Variants in EP300 observed in about 807,000 individuals in gnomAD.
The protein encoded by EP300 is histone acetyltransferase p300.
In EP300, 31 loss-of-function variants were observed where a neutral mutation model predicts 264.0. The ratio of observed to expected loss-of-function variants is 0.12; its 90% confidence interval spans 0.09 to 0.16. The LOEUF is 0.16. EP300 is among the 10% of genes least tolerant of loss of function. The pLI, the probability that EP300 is intolerant of heterozygous loss-of-function variation, is 1.00. For missense variants in EP300, 2,766 were observed against 3,052.9 expected (o/e 0.91, Z 2.21); for synonymous variants, 1,340 against 1,045.4 (o/e 1.28, Z -5.44).
At chr22:41,158,529 C>T (rs776594418) in intron 19 of EP300, 29 bp downstream of exon 19, 2 of 1,576,942 alleles carry the variant, frequency 1.3e-6, no homozygotes, top group Non-Finnish European at 1.7e-6. Context: ...GGACCATGGT[C>T]CATGTGTCCA....
At chr22:41,128,692 T>C (rs1019107726) in intron 4 of EP300, among the ~76,000 whole-genome samples, 2 of 151,944 alleles carry the variant, frequency 1.3e-5, no homozygotes, top group Admixed American at 1.3e-4. Flanking sequence ...TTTGTATTTT[T>C]AGTGGAGACG....
intron 1 of EP300, among the ~76,000 whole-genome samples, chr22:41,097,538 T>G (rs1336040810): frequency 6.6e-6 from 1 of 152,022 alleles, no homozygotes; most frequent in Non-Finnish European, 1.5e-5. Context: ...AGAAAAAGAG[T>G]AGGAAGAGTG....
intron 6 of EP300, among the ~76,000 whole-genome samples, chr22:41,135,288 A>G (rs1474329466): frequency 6.6e-6 from 1 of 152,092 alleles, no homozygotes; most frequent in Non-Finnish European, 1.5e-5. Flanking sequence ...CTGGAATTTC[A>G]TTACTGTAAT....
chr22:41,129,232 C>CT (rs1296354679), intron 4 of EP300, among the ~76,000 whole-genome samples: 1 of 152,002 alleles, frequency 6.6e-6, no homozygotes, highest in Non-Finnish European at 1.5e-5. Context: ...AGGATGGTCT[C>CT]TATCTCCTGA....
At chr22:41,124,462 A>G (rs745876908) in intron 2 of EP300, among the ~76,000 whole-genome samples, 1 of 152,156 alleles carries the variant, frequency 6.6e-6, no homozygotes, top group Non-Finnish European at 1.5e-5. Context: ...TTCCCAAACC[A>G]TCAGTTTTCT....
Position 41,117,502 on chromosome 22 carries a change from G to C in EP300, c.410G>C (p.Gly137Ala), listed in dbSNP as rs770510487. The C allele has an allele frequency of 4.3e-6, 7 of 1,613,526 alleles. No individual in the cohort carries two copies. In the African/African-American group the frequency reaches 5.3e-5, roughly 12 times the overall value. The stretch of plus-strand genomic sequence containing the variant: ...GCAGGCTTGACTTCTCCCAACATGG[G>C]GATGGGCACTAGTGGACCAAATCAG... ...TQAGLTSPNM[G>A]MGTSGPNQGP... The change falls in exon 2 of 31, where the codon GGG becomes GCG. Residue 137 changes from glycine to alanine, a missense_variant. Transcript: ENST00000263253.
chr22:41,166,482 C>T (rs2059135185), intron 22 of EP300, 117 bp from the exon 23 acceptor site: 1 of 780,460 alleles, frequency 1.3e-6, no homozygotes, highest in Non-Finnish European at 2.1e-6. Context: ...TTTATTAACT[C>T]TTCATTAGAA....
Position 41,151,873 on chromosome 22 carries a change from A to T in EP300, c.2858A>T (p.Asn953Ile), listed in dbSNP as rs1208697239. The T allele has an allele frequency of 6.2e-7, 1 of 1,614,036 alleles. No homozygotes were observed. Among genetic ancestry groups the T allele is most frequent in the Non-Finnish European group, 8.5e-7 (1 of 1,180,034 alleles). The change falls in exon 15 of 31, where the codon AAT (asparagine) becomes ATT (isoleucine). Residue 953 changes from asparagine (N) to isoleucine (I), a missense_variant. Physicochemically the swap from Asn to Ile is moderately radical, Grantham distance 149 (BLOSUM62 -3). Coordinates refer to ENST00000263253, the MANE Select transcript of EP300 (RefSeq NM_001429.4). ...PAVSIEGQVS[N>I]PPSTSSTEVN... The stretch of plus-strand genomic sequence containing the variant: ...GTAAGCATTGAAGGACAGGTATCAA[A>T]TCCTCCATCTACTAGTAGCACAGAA...
intron 10 of EP300, among the ~76,000 whole-genome samples, chr22:41,142,777 T>C (rs1302543849): frequency 6.6e-6 from 1 of 151,966 alleles, no homozygotes; most frequent in Admixed American, 6.6e-5. Context: ...TCCCAGCTAC[T>C]CAAGAGGCTG....
At chr22:41,121,284 A>C (rs928883083) in intron 2 of EP300, among the ~76,000 whole-genome samples, 1 of 152,090 alleles carries the variant, frequency 6.6e-6, no homozygotes, top group African/African-American at 2.4e-5. Flanking sequence ...GTGGTGGGTA[A>C]TTGGACATCT....
rs5758247 is a variant in EP300 at position 41,149,288 on chromosome 22, T to A, written c.2379+113T>A. 24,477 of 1,297,950 alleles carry A rather than the reference T, an allele frequency of 0.019. 2,272 individuals carry two copies. In the African/African-American group the frequency reaches 0.21, roughly 11 times the overall value. 80.4% of individuals were successfully genotyped at this position (1,297,950 alleles called of 1,614,324 possible). On this transcript the variant is annotated intron_variant, in intron 13 of 30. Coordinates refer to ENST00000263253, the MANE Select transcript of EP300 (RefSeq NM_001429.4). ...TAGTGGGTGAAAACAGATGATTTTT[T>A]AAAAAATAACAATTTTGGACTTAGG... is the stretch of plus-strand genomic sequence containing the variant.
chr22:41,150,380 G>A lies in EP300; in HGVS notation c.2817+182G>A, dbSNP rs111972987. ...TTGCCTTCCTGTGATAGTACCTATC[G>A]TAGCAGGAGCATAAAGATTTTATTT... On this transcript the variant is annotated intron_variant, in intron 14 of 30. Transcript: ENST00000263253. Among the ~76,000 whole-genome samples the A allele has an allele frequency of 8.6e-3, 1,314 of 152,188 alleles. 22 individuals are homozygous for A. Among genetic ancestry groups the A allele is most frequent in the African/African-American group, 0.029 (1,224 of 41,518 alleles).
chr22:41,097,172 A>G (rs966593146), intron 1 of EP300, among the ~76,000 whole-genome samples: 1 of 152,212 alleles, frequency 6.6e-6, no homozygotes, highest in African/African-American at 2.4e-5. Flanking sequence ...TTTTCTGGCA[A>G]TTATTCTCAA....
At position 41,178,627 on chromosome 22, in the gene EP300, C is replaced by A; in HGVS notation, c.6916C>A (p.Gln2306Lys). Residue 2306 changes from glutamine (Q) to lysine (K), a missense_variant, in exon 31 of 31, where the codon CAA becomes AAA. Physicochemically the swap from Gln to Lys is moderately conservative, Grantham distance 53. Coordinates refer to ENST00000263253, the MANE Select transcript of EP300 (RefSeq NM_001429.4). ...GCAGATCCCTAATTCTCTCTCCAAT[C>A]AAGTGCGCTCTCCCCAGCCTGTCCC... ...GQQIPNSLSN[Q>K]VRSPQPVPSP... The A allele has an allele frequency of 6.2e-7, 1 of 1,614,126 alleles. No homozygotes were observed.
intron 21 of EP300, 143 bp from the exon 22 acceptor site, chr22:41,163,910 A>G (rs970786917): frequency 5.0e-6 from 4 of 801,800 alleles, no homozygotes; most frequent in Non-Finnish European, 8.6e-6. Flanking sequence ...CCCTATCTCT[A>G]AAAAAATAGA....
chr22:41,177,407 G>A lies in EP300; in HGVS notation c.5696G>A (p.Gly1899Asp), dbSNP rs1456530371. Residue 1899 changes from glycine (G) to aspartate (D), a missense_variant, in exon 31 of 31, where the codon GGT becomes GAT. Gly to Asp is a moderately conservative substitution (Grantham distance 94). Transcript: ENST00000263253. ...CAAGCTGCTGGCCCTGTGTCCCAGG[G>A]TAAGGCAGCAGGCCAGGTGACCCCT... The part of the protein sequence containing the change: ...RTQAAGPVSQ[G>D]KAAGQVTPPT... The A allele has an allele frequency of 1.2e-6, 2 of 1,614,002 alleles. No individual in the cohort carries two copies. Among genetic ancestry groups the A allele is most frequent in the African/African-American group, 1.3e-5 (1 of 74,892 alleles).
intron 14 of EP300, among the ~76,000 whole-genome samples, chr22:41,150,924 C>T (rs1439384948): frequency 6.6e-6 from 1 of 151,566 alleles, no homozygotes; most frequent in Non-Finnish European, 1.5e-5. Flanking sequence ...TTTATGAGTC[C>T]TTGTGGCCCA....
chr22:41,120,553 A>G (rs984017787), intron 2 of EP300, among the ~76,000 whole-genome samples: 1 of 152,186 alleles, frequency 6.6e-6, no homozygotes, highest in African/African-American at 2.4e-5. Flanking sequence ...CGTTCTTGTC[A>G]TGGATGAATC....
At chr22:41,173,519 A>G (rs1181244617) in intron 28 of EP300, 104 bp from the exon 29 acceptor site, 4 of 1,210,450 alleles carry the variant, frequency 3.3e-6, no homozygotes, top group Admixed American at 2.1e-5. Context: ...AGTTACAGGC[A>G]TAAGATTATG....
Sources: allele counts gnomAD v4.1 joint callset (sites outside exome capture counted in the v4.1 genomes callset), GRCh38; gene constraint gnomAD v4.1.1; transcripts MANE v1.5; gene names NCBI Gene and HGNC (gene_info 2026-07-23, HGNC 2026-07-21).